Variants in POC1B observed in about 807,000 individuals in gnomAD.
The protein encoded by POC1B is POC1 centriolar protein homolog B.
A neutral mutation model predicts 60.6 loss-of-function variants in POC1B; 44 were observed. That is an observed-to-expected ratio of 0.73 (90% CI 0.57 to 0.93). POC1B has a LOEUF of 0.93. POC1B is among the 40% of genes least tolerant of loss of function. The probability of loss-of-function intolerance (pLI) is 0.00; values close to 1 mark genes in which losing one functional copy is unlikely to be tolerated. For synonymous variants in POC1B, 180 were observed against 198.9 expected (o/e 0.90, Z 0.80); for missense variants, 555 against 572.3 (o/e 0.97, Z 0.31).
At chr12:89,505,225 T>C (rs149603341) in intron 2 of POC1B, among the ~76,000 whole-genome samples, 130 of 152,358 alleles carry the variant, frequency 8.5e-4, no homozygotes, top group African/African-American at 2.9e-3. Context: ...GGAATGTTCA[T>C]ATACTACTAG....
rs565070053 is a variant in POC1B, at chr12:89,501,277, G to GA, written c.101-3936dup. 727 of 1,063,448 alleles carry GA rather than the reference G, an allele frequency of 6.8e-4. 7 individuals carry two copies. The highest frequency in any genetic ancestry group is 3.7e-3 in the South Asian group (295 of 79,174). The allele number at this position is 1,063,448 out of a possible 1,614,324, so 65.9% of individuals were successfully genotyped here. A position where few individuals can be genotyped will look rare whatever the true frequency, so the allele number is the denominator to read the frequency against. ...AAGTTATGCTTTGACAGGTGAAACA[G>GA]AAAATGACTGTAGATCTACAAAATA... On this transcript the variant is annotated intron_variant, in intron 2 of 11. Transcript: ENST00000313546.
intron 4 of POC1B, among the ~76,000 whole-genome samples, chr12:89,488,512 G>C (rs1156431045): frequency 2.6e-5 from 4 of 152,094 alleles, no homozygotes; most frequent in Admixed American, 2.6e-4. Flanking sequence ...TTCTGAGATA[G>C]AGTCTAGCTC....
intron 2 of POC1B, among the ~76,000 whole-genome samples, chr12:89,506,109 G>A (rs1869882335): frequency 6.6e-6 from 1 of 152,222 alleles, no homozygotes. Flanking sequence ...AAGTGAAAAT[G>A]TCAAGTAGGA....
intron 2 of POC1B, among the ~76,000 whole-genome samples, chr12:89,517,944 A>T (rs756338993): frequency 6.6e-6 from 1 of 152,194 alleles, no homozygotes; most frequent in Non-Finnish European, 1.5e-5. Flanking sequence ...GACAGGTTAG[A>T]ATGGTGACCA....
intron 10 of POC1B, among the ~76,000 whole-genome samples, chr12:89,432,786 T>C (rs1881093242): frequency 1.3e-5 from 2 of 152,238 alleles, no homozygotes; most frequent in Admixed American, 1.3e-4. Context: ...CAATTGGAAA[T>C]ATATGATTCT....
intron 10 of POC1B, among the ~76,000 whole-genome samples, chr12:89,437,597 C>T (rs1432520210): frequency 6.6e-6 from 1 of 151,414 alleles, no homozygotes; most frequent in African/African-American, 2.4e-5. Context: ...ACATATTTGA[C>T]CCCCCCACCC....
At chr12:89,450,902 G>A (rs1882014216) in intron 10 of POC1B, among the ~76,000 whole-genome samples, 3 of 152,142 alleles carry the variant, frequency 2.0e-5, no homozygotes, top group African/African-American at 4.8e-5. Context: ...TATTTTAACA[G>A]AGAGAATTTA....
At chr12:89,456,209 AG>A (rs1360989736) in intron 10 of POC1B, among the ~76,000 whole-genome samples, 1 of 152,048 alleles carries the variant, frequency 6.6e-6, no homozygotes, top group Admixed American at 6.6e-5. Flanking sequence ...TTAGTAGAGG[AG>A]GGGTTTTGTC....
chr12:89,461,918 C>T (rs1273212493), intron 9 of POC1B: 1 of 152,052 alleles, frequency 6.6e-6, no homozygotes, highest in Non-Finnish European at 1.5e-5. Flanking sequence ...GACTCCCTGT[C>T]CAGAGACTGC....
chr12:89,436,760 C>T lies in POC1B; in HGVS notation c.1114-11381G>A, dbSNP rs147286756. On this transcript the variant is annotated intron_variant, in intron 10 of 11. Coordinates refer to ENST00000313546, the MANE Select transcript of POC1B (RefSeq NM_172240.3). ...AAACCCAAAAAACAAAAAAAACAAG[C>T]ATTCTTTTAATGATGCCTCTTGATA... 2.2e-3 allele frequency among the ~76,000 whole-genome samples: 338 copies of T among 151,898 alleles called. 1 individual carries two copies. Among genetic ancestry groups the T allele is most frequent in the African/African-American group, 7.8e-3 (324 of 41,438 alleles).
chr12:89,518,050 A>ATTATTAACTTTATTAATAAT (rs1870543515), intron 2 of POC1B, among the ~76,000 whole-genome samples: 1 of 152,134 alleles, frequency 6.6e-6, no homozygotes, highest in Admixed American at 6.5e-5. Flanking sequence ...GTAGTACCCC[A>ATTATTAACTTTATTAATAAT]ATAATTATTA....
At chr12:89,416,072 C>A (rs1474164257), downstream of POC1B, among the ~76,000 whole-genome samples, 2 of 152,188 alleles carry the variant, frequency 1.3e-5, no homozygotes, top group African/African-American at 4.8e-5. Flanking sequence ...AAAAAATACT[C>A]ATTTATTCAA....
chr12:89,480,142 G>GT (rs557388611), intron 4 of POC1B, among the ~76,000 whole-genome samples: 28,873 of 143,812 alleles, frequency 0.2, 3,192 homozygotes, highest in South Asian at 0.37. Flanking sequence ...TTCTTCTTTC[G>GT]TTTTTTTTTT....
At chr12:89,459,763 A>G in intron 9 of POC1B, 45 bp from the exon 10 acceptor site, 1 of 1,130,394 alleles carries the variant, frequency 8.8e-7, no homozygotes, top group Non-Finnish European at 1.2e-6. Flanking sequence ...TCATACCATA[A>G]GAAACCAAAT....
At position 89,497,330 on chromosome 12, in the gene POC1B, C is replaced by G; in HGVS notation, c.113G>C (p.Trp38Ser). ...ATTCCATAGCATGAGAAAGGTATCC[C>G]AAGAAGCAGTAGCTATCAAGAAATA... ...PNGKQLATAS[W>S]DTFLMLWNFK... The change falls in exon 3 of 12, where the codon TGG (tryptophan) becomes TCG (serine). Residue 38 changes from tryptophan to serine, a missense_variant. Coordinates refer to ENST00000313546, the MANE Select transcript of POC1B (RefSeq NM_172240.3). The G allele has an allele frequency of 6.2e-7, 1 of 1,611,736 alleles. No individual in the cohort carries two copies. Among genetic ancestry groups the G allele is most frequent in the Non-Finnish European group, 8.5e-7 (1 of 1,179,520 alleles).
At position 89,500,550 on chromosome 12, in the gene POC1B, A is replaced by C. The variant is rs183082594; in HGVS notation, c.101-3208T>G. The C allele has an allele frequency of 2.9e-5, 47 of 1,607,054 alleles. No individual in the cohort carries two copies. In the East Asian group the frequency reaches 1.0e-3, roughly 36 times the overall value. ...CACAGTGAAGCTGATGAAGAATTTTACTTATCTGTTGGCTCACCTTCTGTT... is the reference window on the plus strand; with the variant it reads ...CACAGTGAAGCTGATGAAGAATTTTCCTTATCTGTTGGCTCACCTTCTGTT... On this transcript the variant is annotated intron_variant, in intron 2 of 11. Transcript: ENST00000313546.
intron 2 of POC1B, among the ~76,000 whole-genome samples, chr12:89,510,372 G>A (rs1228413741): frequency 6.6e-6 from 1 of 152,142 alleles, no homozygotes; most frequent in Non-Finnish European, 1.5e-5. Flanking sequence ...CTTTGTTGGA[G>A]CTAGAGACCT....
At chr12:89,429,746 A>G (rs1880952551) in intron 10 of POC1B, among the ~76,000 whole-genome samples, 1 of 152,210 alleles carries the variant, frequency 6.6e-6, no homozygotes, top group Non-Finnish European at 1.5e-5. Flanking sequence ...AGCAGGAAAT[A>G]AACAAGCAGA....
At chr12:89,506,169 T>C (rs369144211) in intron 2 of POC1B, among the ~76,000 whole-genome samples, 6 of 152,292 alleles carry the variant, frequency 3.9e-5, no homozygotes, top group South Asian at 4.1e-4. Flanking sequence ...GACTGTACAG[T>C]GTGGTGGTTA....
Sources: allele counts gnomAD v4.1 joint callset (sites outside exome capture counted in the v4.1 genomes callset), GRCh38; gene constraint gnomAD v4.1.1; transcripts MANE v1.5; gene names NCBI Gene and HGNC (gene_info 2026-07-23, HGNC 2026-07-21).